The following PLEKHA8 variants were observed in gnomAD, a reference collection of about 807,000 sequenced individuals.
PLEKHA8 encodes pleckstrin homology domain-containing family A member 8.
In PLEKHA8, 36 loss-of-function variants were observed where a neutral mutation model predicts 68.2. That is an observed-to-expected ratio of 0.53 (90% CI 0.40 to 0.70). PLEKHA8 has a LOEUF of 0.70. Among genes scored for constraint, PLEKHA8 ranks in the 30% least tolerant of loss-of-function variants. The pLI, the probability that PLEKHA8 is intolerant of heterozygous loss-of-function variation, is 0.00. For missense variants in PLEKHA8, 505 were observed against 615.4 expected (o/e 0.82, Z 1.90); for synonymous variants, 211 against 216.1 (o/e 0.98, Z 0.20).
At chr7:30,048,580 C>G (rs1792150062) in intron 4 of PLEKHA8, among the ~76,000 whole-genome samples, 1 of 152,184 alleles carries the variant, frequency 6.6e-6, no homozygotes, top group Non-Finnish European at 1.5e-5. Context: ...AAAGATTTCT[C>G]TGGTGTTAAG....
chr7:30,127,328 C>G (rs1393982168), intron 13 of PLEKHA8, among the ~76,000 whole-genome samples: 1 of 152,110 alleles, frequency 6.6e-6, no homozygotes, highest in Admixed American at 6.6e-5. Flanking sequence ...GCCAGAAACT[C>G]AAGAAATTTG....
chr7:30,051,806 C>G (rs778276275), intron 6 of PLEKHA8, among the ~76,000 whole-genome samples: 3 of 152,104 alleles, frequency 2.0e-5, no homozygotes, highest in Non-Finnish European at 4.4e-5. Context: ...AAACCTGTCT[C>G]TACTAAAAAT....
At chr7:30,099,432 T>G (rs1304962890) in intron 13 of PLEKHA8, among the ~76,000 whole-genome samples, 3 of 152,186 alleles carry the variant, frequency 2.0e-5, no homozygotes, top group Non-Finnish European at 4.4e-5. Context: ...TATAAACAAA[T>G]GCATTAGGAA....
At chr7:30,108,815 G>C (rs1009839886) in intron 13 of PLEKHA8, among the ~76,000 whole-genome samples, 7 of 152,172 alleles carry the variant, frequency 4.6e-5, no homozygotes, top group Admixed American at 6.5e-5. Context: ...TGTTCCTTTG[G>C]CAGGAGGGTC....
chr7:30,039,796 T>C (rs1272492226), intron 1 of PLEKHA8, among the ~76,000 whole-genome samples: 1 of 152,200 alleles, frequency 6.6e-6, no homozygotes, highest in Non-Finnish European at 1.5e-5. Context: ...TTCTTTCCAA[T>C]CTAGATGTCT....
chr7:30,036,823 C>T (rs1031688552), intron 1 of PLEKHA8, among the ~76,000 whole-genome samples: 3 of 152,162 alleles, frequency 2.0e-5, no homozygotes, highest in Non-Finnish European at 2.9e-5. Flanking sequence ...TCAGAAAATG[C>T]TTTGTGAATT....
chr7:30,111,750 A>C (rs1416719115), intron 13 of PLEKHA8, among the ~76,000 whole-genome samples: 1 of 151,862 alleles, frequency 6.6e-6, no homozygotes, highest in Non-Finnish European at 1.5e-5. Context: ...CTACCAAGTA[A>C]CTGGGACTAC....
chr7:30,043,354 G>A (rs1169755089), intron 1 of PLEKHA8, among the ~76,000 whole-genome samples: 1 of 152,102 alleles, frequency 6.6e-6, no homozygotes, highest in East Asian at 1.9e-4. Flanking sequence ...TTGCCAGCCA[G>A]GAACTGATTT....
chr7:30,030,146 A>C (rs1370432713), intron 1 of PLEKHA8, among the ~76,000 whole-genome samples: 1 of 152,116 alleles, frequency 6.6e-6, no homozygotes, highest in African/African-American at 2.4e-5. Flanking sequence ...TTTCCTTCTG[A>C]GGTCTCTCTA....
chr7:30,110,173 A>T (rs1453800911), intron 13 of PLEKHA8, among the ~76,000 whole-genome samples: 1 of 151,516 alleles, frequency 6.6e-6, no homozygotes, highest in East Asian at 1.9e-4. Context: ...TTAAGCAGTC[A>T]CCCCCCATTC....
At chr7:30,059,427 A>G (rs1415871806) in intron 9 of PLEKHA8, among the ~76,000 whole-genome samples, 1 of 152,032 alleles carries the variant, frequency 6.6e-6, no homozygotes, top group Non-Finnish European at 1.5e-5. Context: ...TTTTTCCTGT[A>G]ATTTGTTAAT....
rs1795075225 is a variant in PLEKHA8, at chr7:30,084,033, G to C, written c.*5246G>C. The C allele has an allele frequency of 1.0e-6, 1 of 985,278 alleles. No individual in the cohort carries two copies. The highest frequency in any genetic ancestry group is 1.2e-6 in the Non-Finnish European group (1 of 829,942). The allele number at this position is 985,278 out of a possible 1,614,324, so 61.0% of individuals were successfully genotyped here. On this transcript the variant is annotated 3_prime_UTR_variant, in exon 14 of 14. Transcript: ENST00000449726. ...AATGTATAATTCCCATGTATCATGA[G>C]AATTTCACTAGAATGTCATTAAACA...
intron 13 of PLEKHA8, among the ~76,000 whole-genome samples, chr7:30,116,267 CATGT>C (rs552344477): frequency 9.7e-4 from 146 of 150,656 alleles, no homozygotes; most frequent in Middle Eastern, 6.8e-3. Context: ...TACATGCATA[CATGT>C]ATGTATGTAT....
chr7:30,112,080 A>G (rs1045430338), intron 13 of PLEKHA8, among the ~76,000 whole-genome samples: 3 of 152,226 alleles, frequency 2.0e-5, no homozygotes, highest in East Asian at 3.8e-4. Context: ...AATTATGTTG[A>G]TATCAGACAA....
Position 30,081,475 on chromosome 7 carries a change from G to A in PLEKHA8, c.*2688G>A. 1 of 985,186 alleles carries A rather than the reference G, an allele frequency of 1.0e-6. No homozygotes were observed. The highest frequency in any genetic ancestry group is 1.2e-6 in the Non-Finnish European group (1 of 829,728). 61.0% of individuals were successfully genotyped at this position (985,186 alleles called of 1,614,324 possible). A position where few individuals can be genotyped will look rare whatever the true frequency, so the allele number is the denominator to read the frequency against. On this transcript the variant is annotated 3_prime_UTR_variant, in exon 14 of 14. Transcript: ENST00000449726. ...TCTAAAGTATTTGCTCTCTGTTTTAGTTAAAGTCATAATTTGCGCTGATGT... is the reference window on the plus strand; with the variant it reads ...TCTAAAGTATTTGCTCTCTGTTTTAATTAAAGTCATAATTTGCGCTGATGT...
At chr7:30,110,214 T>G (rs1057139080) in intron 13 of PLEKHA8, among the ~76,000 whole-genome samples, 1 of 152,130 alleles carries the variant, frequency 6.6e-6, no homozygotes, top group Non-Finnish European at 1.5e-5. Flanking sequence ...CAACTAATCT[T>G]TCTGTTTCTA....
At chr7:30,086,578 G>A (rs1205486815), downstream of PLEKHA8, among the ~76,000 whole-genome samples, 1 of 152,160 alleles carries the variant, frequency 6.6e-6, no homozygotes, top group Non-Finnish European at 1.5e-5. Flanking sequence ...TGAGGGTCCA[G>A]CAAAGGAGAA....
chr7:30,039,343 C>A (rs1185906281), intron 1 of PLEKHA8, among the ~76,000 whole-genome samples: 2 of 152,090 alleles, frequency 1.3e-5, no homozygotes, highest in Non-Finnish European at 2.9e-5. Flanking sequence ...GATGAAAGCC[C>A]GTCTCTACTA....
downstream of PLEKHA8, among the ~76,000 whole-genome samples, chr7:30,093,095 G>A (rs1202468812): frequency 1.3e-5 from 2 of 152,256 alleles, no homozygotes; most frequent in African/African-American, 2.4e-5. Context: ...ATATGGGCAC[G>A]TTATTTTACA....
Sources: allele counts gnomAD v4.1 joint callset (sites outside exome capture counted in the v4.1 genomes callset), GRCh38; gene constraint gnomAD v4.1.1; transcripts MANE v1.5; gene names NCBI Gene and HGNC (gene_info 2026-07-23, HGNC 2026-07-21).